The following AKT1 variants were observed in gnomAD, a reference collection of about 807,000 sequenced individuals.
AKT1 encodes RAC-alpha serine/threonine-protein kinase.
Under a neutral mutation model 63.1 loss-of-function variants are expected in AKT1, and 21 were observed. The ratio of observed to expected loss-of-function variants is 0.33; its 90% CI spans 0.24 to 0.48. AKT1 has a LOEUF of 0.48. Ranked by LOEUF, AKT1 falls within the 20% of genes least tolerant of loss-of-function variation. AKT1 has a pLI of 0.99. For synonymous variants in AKT1, 257 were observed against 253.1 expected, an observed-to-expected ratio of 1.02 and a Z score of -0.15; for missense variants, 382 against 666.0, an observed-to-expected ratio of 0.57 and a Z score of 4.69.
chr14:104,781,610 C>A (rs1303928131), intron 3 of AKT1, among the ~76,000 whole-genome samples: 1 of 152,216 alleles, frequency 6.6e-6, no homozygotes, highest in Non-Finnish European at 1.5e-5. Context: ...CCCTCCTACC[C>A]CGGCCCCAGC....
chr14:104,775,535 T>C (rs1016597154), intron 6 of AKT1, 117 bp downstream of exon 6: 3 of 1,407,152 alleles, frequency 2.1e-6, no homozygotes, highest in Non-Finnish European at 1.9e-6. Flanking sequence ...CCGGCCTAGG[T>C]GGAGATGCCG....
intron 3 of AKT1, 112 bp from the exon 4 acceptor site, chr14:104,780,328 C>T: frequency 6.9e-7 from 1 of 1,455,510 alleles, no homozygotes; most frequent in Non-Finnish European, 9.2e-7. Flanking sequence ...ATGCCTGAGT[C>T]CCAGGGGGCA....
At position 104,770,873 on chromosome 14, in the gene AKT1, T is replaced by A. The variant is rs1470492038; in HGVS notation, c.1261-26A>T. On this transcript the variant is annotated intron_variant, in intron 13 of 14. Coordinates refer to ENST00000649815, the MANE Select transcript of AKT1 (RefSeq NM_001382430.1). ...CTGCAGAGGTGGGCAGACGGGACAG[T>A]CATGAGCTTCGCTCCCCACTCCCAG... 4.4e-6 allele frequency: 7 copies of A among 1,604,382 alleles called. No individual in the cohort carries two copies. In the East Asian group the frequency reaches 1.6e-4, roughly 36 times the overall value.
rs2140948331 is a variant in AKT1, at chr14:104,780,072, C to G, written c.175+16G>C. 3 of 1,612,352 alleles carry G rather than the reference C, an allele frequency of 1.9e-6. No individual in the cohort carries two copies. Among genetic ancestry groups the G allele is most frequent in the Non-Finnish European group, 1.7e-6 (2 of 1,179,240 alleles). The stretch of plus-strand genomic sequence containing the variant: ...CCCCCCAAATCTGAATCCCGAGAGG[C>G]CAAGGGGATACTTACGCGCCACAGA... On this transcript the variant is annotated intron_variant, in intron 4 of 14. Coordinates refer to ENST00000649815, the MANE Select transcript of AKT1 (RefSeq NM_001382430.1).
intron 3 of AKT1, 21 bp downstream of exon 3, chr14:104,792,577 G>A (rs1327624129): frequency 1.2e-6 from 2 of 1,611,896 alleles, no homozygotes; most frequent in Non-Finnish European, 1.7e-6. Context: ...CCCAGGCCCA[G>A]CCCTGGCAGC....
chr14:104,772,269 AGT>A (rs2140897316), intron 13 of AKT1, 94 bp downstream of exon 13: 1 of 1,280,734 alleles, frequency 7.8e-7, no homozygotes, highest in African/African-American at 1.4e-5. Flanking sequence ...GGTGAGGGCG[AGT>A]GTGTGGGAAA....
chr14:104,779,643 G>A (rs1423269321), intron 4 of AKT1, among the ~76,000 whole-genome samples: 7 of 145,454 alleles, frequency 4.8e-5, no homozygotes, highest in African/African-American at 1.6e-4. Context: ...AGCCAGCCTC[G>A]GCCTCAGGAC....
Position 104,775,786 on chromosome 14 carries a change from T to C in AKT1, c.301A>G (p.Thr101Ala), listed in dbSNP as rs761151169. 6.2e-7 allele frequency: 1 copy of C among 1,613,938 alleles called. No homozygotes were observed. The highest frequency in any genetic ancestry group is 8.5e-7 in the Non-Finnish European group (1 of 1,179,918). The change falls in exon 6 of 15, where the codon ACC becomes GCC. Residue 101 changes from threonine to alanine, a missense_variant. By Grantham distance (58) the Thr-to-Ala change is moderately conservative (BLOSUM62 0). Coordinates refer to ENST00000649815, the MANE Select transcript of AKT1 (RefSeq NM_001382430.1). ...CCGTCAGCCACAGTCTGGATGGCGG[T>C]TGTCCACTCCTCCCTGCAGGAGGTC... The part of the protein sequence containing the change: ...ETPEEREEWT[T>A]AIQTVADGLK...
chr14:104,782,656 C>T (rs1271793111), intron 3 of AKT1, among the ~76,000 whole-genome samples: 5 of 152,160 alleles, frequency 3.3e-5, no homozygotes, highest in African/African-American at 9.7e-5. Flanking sequence ...CTTTCAGTGC[C>T]TTCCCCTCGC....
At chr14:104,774,745 G>T in intron 8 of AKT1, 193 bp downstream of exon 8, 1 of 636,060 alleles carries the variant, frequency 1.6e-6, no homozygotes, top group Non-Finnish European at 2.7e-6. Flanking sequence ...CGGGAGCAGC[G>T]AGCACAGCCC....
At position 104,770,028 on chromosome 14, in the gene AKT1, A is replaced by G. The variant is rs770697761; in HGVS notation, c.*313T>C. The stretch of plus-strand genomic sequence containing the variant: ...TGGGCAGGACCTGCCCGGCCCCCCA[A>G]TGCCACATTGCGCATAGCTGCAGAA... On this transcript the variant is annotated 3_prime_UTR_variant, in exon 15 of 15. Transcript: ENST00000649815. The G allele has an allele frequency of 7.3e-5, 35 of 481,622 alleles. 1 individual carries two copies. The highest frequency in any genetic ancestry group is 2.3e-4 in the South Asian group (11 of 47,490). The allele number at this position is 481,622 out of a possible 1,614,324, so 29.8% of individuals were successfully genotyped here.
chr14:104,770,689 CCTCT>C lies in AKT1; in HGVS notation c.1363+52_1363+55del, dbSNP rs150070451. Reference sequence around the variant, plus strand: ...AGCCAAAAAAGCTGAACACTGCAGGCCTCTCTGAGTGTGGAGAGAAAAGGGAGTG... The same window carrying C: ...AGCCAAAAAAGCTGAACACTGCAGGCCTGAGTGTGGAGAGAAAAGGGAGTG... On this transcript the variant is annotated intron_variant, in intron 14 of 14. Transcript: ENST00000649815. 27,968 of 1,464,494 alleles carry C rather than the reference CCTCT, an allele frequency of 0.019. 2,006 individuals carry two copies. The African/African-American group carries it at 0.22, about 12-fold the overall frequency. 90.7% of individuals were successfully genotyped at this position (1,464,494 alleles called of 1,614,324 possible). A position where few individuals can be genotyped will look rare whatever the true frequency, so the allele number is the denominator to read the frequency against.
At chr14:104,789,477 A>G (rs2494744) in intron 3 of AKT1, among the ~76,000 whole-genome samples, 125,783 of 152,264 alleles carry the variant, frequency 0.83, 53,305 homozygotes, top group Non-Finnish European at 0.92. Context: ...AGAGCCACAC[A>G]GCCTCTGGCC....
At chr14:104,780,629 G>A (rs955352258) in intron 3 of AKT1, among the ~76,000 whole-genome samples, 2 of 152,206 alleles carry the variant, frequency 1.3e-5, no homozygotes, top group Non-Finnish European at 2.9e-5. Flanking sequence ...GGGCTGCGGG[G>A]CTGACAGCAT....
intron 13 of AKT1, 90 bp downstream of exon 13, chr14:104,772,275 T>C (rs978105378): frequency 5.6e-5 from 78 of 1,399,476 alleles, no homozygotes; most frequent in Non-Finnish European, 7.7e-5. Context: ...GGCGAGTGTG[T>C]GGGAAATCTG....
chr14:104,777,446 T>C (rs1378974809), intron 4 of AKT1: 13 of 720,834 alleles, frequency 1.8e-5, no homozygotes, highest in Non-Finnish European at 2.2e-5. Context: ...CACACTGGAA[T>C]ACACAGACAT....
At chr14:104,792,814 T>TGG in intron 2 of AKT1, 92 bp from the exon 3 acceptor site, 1 of 760,814 alleles carries the variant, frequency 1.3e-6, no homozygotes, top group Non-Finnish European at 2.2e-6. Context: ...TGCACGTGCC[T>TGG]GGGGGCTCCA....
chr14:104,772,294 G>A (rs1287156348), intron 13 of AKT1, 71 bp downstream of exon 13: 2 of 1,518,980 alleles, frequency 1.3e-6, no homozygotes, highest in African/African-American at 1.4e-5. Context: ...TGGCGAGCGT[G>A]CCACGTGCAT....
intron 14 of AKT1, 41 bp from the exon 15 acceptor site, chr14:104,770,461 C>A: frequency 6.6e-7 from 1 of 1,520,986 alleles, no homozygotes; most frequent in East Asian, 2.4e-5. Flanking sequence ...CCCCACCTCC[C>A]TGCCACCTCC....
Sources: gnomAD v4.1 joint callset for allele counts (sites outside exome capture counted in the v4.1 genomes callset) on GRCh38, gnomAD v4.1.1 for gene constraint, MANE v1.5 for transcripts, NCBI Gene and HGNC (gene_info 2026-07-23, HGNC 2026-07-21) for gene names.